NTNG1: variants seen among roughly 807,000 people sequenced by gnomAD.
The protein encoded by NTNG1 is netrin-G1.
NTNG1 carries 16 observed loss-of-function variants against 54.0 expected under a neutral mutation model. The ratio of observed to expected loss-of-function variants is 0.30; its 90% confidence interval spans 0.20 to 0.45. The LOEUF (loss-of-function observed/expected upper bound fraction) is 0.45. Among genes scored for constraint, NTNG1 ranks in the 20% least tolerant of loss-of-function variants. NTNG1 has a pLI of 1.00. For synonymous variants in NTNG1, 255 were observed against 263.1 expected (o/e 0.97, Z 0.30); for missense variants, 530 against 678.7 (o/e 0.78, Z 2.43).
intron 2 of NTNG1, among the ~76,000 whole-genome samples, chr1:107,243,590 T>C (rs1661984820): frequency 6.6e-6 from 1 of 152,110 alleles, no homozygotes; most frequent in Non-Finnish European, 1.5e-5. Context: ...GGGCTTTCAC[T>C]GTATTGCCCT....
intron 5 of NTNG1, among the ~76,000 whole-genome samples, chr1:107,412,451 G>A (rs1214974144): frequency 6.6e-6 from 1 of 152,114 alleles, no homozygotes; most frequent in Non-Finnish European, 1.5e-5. Flanking sequence ...AGTACAACCA[G>A]GAATGCCTAT....
rs544686957 is a variant in NTNG1 at position 107,400,747 on chromosome 1, C to T, written c.1060+5421C>T. On this transcript the variant is annotated intron_variant, in intron 4 of 7. Coordinates refer to ENST00000370068, the MANE Select transcript of NTNG1 (RefSeq NM_001113226.3). ...CACTGCAACCTCTGCCTCCCGGGTT[C>T]AAGTGATTCTCCCACCTTAGCCTCC... Among the ~76,000 whole-genome samples, 4 of 151,638 alleles carry T rather than the reference C, an allele frequency of 2.6e-5. No homozygotes were observed. The South Asian group carries it at 8.3e-4, about 32-fold the overall frequency.
chr1:107,169,516 C>T (rs1305276082), intron 2 of NTNG1, among the ~76,000 whole-genome samples: 1 of 151,986 alleles, frequency 6.6e-6, no homozygotes, highest in Non-Finnish European at 1.5e-5. Flanking sequence ...CAAGAAGCAC[C>T]TCAAGCAGGA....
intron 2 of NTNG1, among the ~76,000 whole-genome samples, chr1:107,289,188 C>G (rs1383439700): frequency 6.6e-6 from 1 of 152,128 alleles, no homozygotes; most frequent in Non-Finnish European, 1.5e-5. Context: ...TTACTTCTCT[C>G]TTTTTACAAC....
chr1:107,246,808 C>T (rs78984695), intron 2 of NTNG1, among the ~76,000 whole-genome samples: 4,691 of 152,186 alleles, frequency 0.031, 223 homozygotes, highest in African/African-American at 0.11. Flanking sequence ...CTGTTTATAA[C>T]AGAGGTTAAA....
At chr1:107,228,933 A>G (rs777525691) in intron 2 of NTNG1, among the ~76,000 whole-genome samples, 12 of 152,108 alleles carry the variant, frequency 7.9e-5, no homozygotes, top group Non-Finnish European at 1.2e-4. Flanking sequence ...TTTCTATTGA[A>G]CTAATCATGG....
At chr1:107,395,596 C>G in intron 4 of NTNG1, 2 of 588,022 alleles carry the variant, frequency 3.4e-6, no homozygotes, top group Non-Finnish European at 6.3e-6. Flanking sequence ...GTGGATGAGA[C>G]AGGAGGTGAT....
At chr1:107,350,590 T>A (rs2101957561) in intron 3 of NTNG1, among the ~76,000 whole-genome samples, 1 of 152,330 alleles carries the variant, frequency 6.6e-6, no homozygotes, top group Non-Finnish European at 1.5e-5. Flanking sequence ...GGAATCACCC[T>A]AAATGTTCAT....
intron 7 of NTNG1, among the ~76,000 whole-genome samples, chr1:107,454,044 G>A (rs1676782583): frequency 1.3e-5 from 2 of 152,078 alleles, no homozygotes; most frequent in African/African-American, 4.8e-5. Context: ...AACCAGGAGG[G>A]TAATAGGAAC....
At chr1:107,146,435 T>C (rs1203883580) in intron 1 of NTNG1, among the ~76,000 whole-genome samples, 1 of 152,052 alleles carries the variant, frequency 6.6e-6, no homozygotes, top group Admixed American at 6.6e-5. Context: ...TTGTTGGATG[T>C]GTCTGAAAAT....
chr1:107,329,678 C>G (rs1226365681), intron 3 of NTNG1, among the ~76,000 whole-genome samples: 2 of 152,152 alleles, frequency 1.3e-5, no homozygotes, highest in Non-Finnish European at 2.9e-5. Flanking sequence ...TGGCCTTTAT[C>G]TATTCTTTTC....
At chr1:107,454,743 A>G (rs1676832399) in intron 7 of NTNG1, among the ~76,000 whole-genome samples, 1 of 152,224 alleles carries the variant, frequency 6.6e-6, no homozygotes, top group Non-Finnish European at 1.5e-5. Flanking sequence ...TTATTCCAAC[A>G]TCATCATCAT....
intron 7 of NTNG1, among the ~76,000 whole-genome samples, chr1:107,476,319 G>A (rs578144232): frequency 2.1e-4 from 32 of 152,042 alleles, no homozygotes; most frequent in African/African-American, 7.5e-4. Context: ...ATTCTTCTAG[G>A]ATGAAGTCTT....
At chr1:107,386,177 T>TCTTCC (rs1671984851) in intron 3 of NTNG1, among the ~76,000 whole-genome samples, 1 of 136,382 alleles carries the variant, frequency 7.3e-6, no homozygotes, top group Non-Finnish European at 1.6e-5. Flanking sequence ...TTTTTTTTTT[T>TCTTCC]TCTTCCTTTG....
In NTNG1 at chr1:107,480,591, C is replaced by CA; in HGVS notation, c.1391-20_1391-19insA. On this transcript the variant is annotated intron_variant, in intron 7 of 7. Transcript: ENST00000370068. ...TCCTCCCCGCGCCCACCCACCCCTA[C>CA]CTTCCCCCTCATTCTGCAGCGAATG... is the stretch of plus-strand genomic sequence containing the variant. 1 of 479,492 alleles carries CA rather than the reference C, an allele frequency of 2.1e-6. No homozygotes were observed. Among genetic ancestry groups the CA allele is most frequent in the Non-Finnish European group, 3.8e-6 (1 of 261,414 alleles). 29.7% of individuals were successfully genotyped at this position (479,492 alleles called of 1,614,324 possible).
chr1:107,244,530 T>C (rs1230525038), intron 2 of NTNG1, among the ~76,000 whole-genome samples: 1 of 152,232 alleles, frequency 6.6e-6, no homozygotes, highest in Non-Finnish European at 1.5e-5. Context: ...TGAGATCATG[T>C]TCAAGCTTTA....
At chr1:107,438,762 C>T (rs1675768365) in intron 7 of NTNG1, among the ~76,000 whole-genome samples, 1 of 152,128 alleles carries the variant, frequency 6.6e-6, no homozygotes, top group African/African-American at 2.4e-5. Flanking sequence ...GGACCTAACC[C>T]AATTTTTCTA....
chr1:107,397,261 G>T (rs75638559), intron 4 of NTNG1, among the ~76,000 whole-genome samples: 2 of 152,148 alleles, frequency 1.3e-5, no homozygotes, highest in Non-Finnish European at 2.9e-5. Flanking sequence ...GTCCAAAGGG[G>T]TTCAATTCAA....
chr1:107,166,417 T>C (rs563935019), intron 2 of NTNG1, among the ~76,000 whole-genome samples: 115 of 152,290 alleles, frequency 7.6e-4, no homozygotes, highest in African/African-American at 2.1e-3. Context: ...TTTCTTATAC[T>C]TCGCTTCATC....
Sources: gnomAD v4.1 joint callset for allele counts (sites outside exome capture counted in the v4.1 genomes callset) on GRCh38, gnomAD v4.1.1 for gene constraint, MANE v1.5 for transcripts, NCBI Gene and HGNC (gene_info 2026-07-23, HGNC 2026-07-21) for gene names.